The following RPS6KC1 variants were observed in gnomAD, a reference collection of about 807,000 sequenced individuals.
The protein encoded by RPS6KC1 is ribosomal protein S6 kinase C1.
RPS6KC1 carries 54 observed loss-of-function variants against 103.8 expected under a neutral mutation model. The ratio of observed to expected loss-of-function variants is 0.52; its 90% CI spans 0.42 to 0.65. The LOEUF (loss-of-function observed/expected upper bound fraction) is 0.65, where lower values mean the gene tolerates loss of function less well. Ranked by LOEUF, RPS6KC1 falls within the 30% of genes least tolerant of loss-of-function variation. The probability of loss-of-function intolerance (pLI) is 0.00; values close to 1 mark genes in which losing one functional copy is unlikely to be tolerated. For synonymous variants in RPS6KC1, 439 were observed against 438.7 expected (o/e 1.00, Z -0.01); for missense variants, 1,151 against 1,253.8 (o/e 0.92, Z 1.24).
intron 1 of RPS6KC1, among the ~76,000 whole-genome samples, chr1:213,053,764 C>T (rs2077123418): frequency 6.6e-6 from 1 of 151,872 alleles, no homozygotes; most frequent in African/African-American, 2.4e-5. Context: ...GTGTGTGGAA[C>T]TGGAATTGGA....
intron 8 of RPS6KC1, among the ~76,000 whole-genome samples, chr1:213,207,406 C>CGAA (rs2093380225): frequency 6.6e-6 from 1 of 152,132 alleles, no homozygotes; most frequent in Non-Finnish European, 1.5e-5. Flanking sequence ...GAAACTTTTT[C>CGAA]AACAGGCTAC....
At chr1:213,803,640 T>A in the RPS6KC1 span, among the ~76,000 whole-genome samples, 2,952 of 152,044 alleles carry the variant, frequency 0.019, 92 homozygotes, top group African/African-American at 0.063. Flanking sequence ...GGGTCAGGGG[T>A]GGCGAGGTTG....
intron 6 of RPS6KC1, among the ~76,000 whole-genome samples, chr1:213,133,128 A>G (rs917140858): frequency 8.5e-5 from 13 of 152,100 alleles, no homozygotes; most frequent in Admixed American, 1.3e-4. Flanking sequence ...AGGACTGTCT[A>G]CTCTTCTAAA....
the RPS6KC1 span, among the ~76,000 whole-genome samples, chr1:213,812,165 G>A: frequency 1.3e-5 from 2 of 152,186 alleles, no homozygotes; most frequent in African/African-American, 2.4e-5. Context: ...GGAAAGAAAA[G>A]AGGGAGAGAG....
At chr1:213,503,682 A>G in the RPS6KC1 span, among the ~76,000 whole-genome samples, 2 of 152,350 alleles carry the variant, frequency 1.3e-5, no homozygotes, top group East Asian at 3.9e-4. Flanking sequence ...TCTGCTTGCT[A>G]AAACTAAAAC....
chr1:213,097,601 C>T (rs1026552955), intron 3 of RPS6KC1, among the ~76,000 whole-genome samples: 6 of 152,184 alleles, frequency 3.9e-5, no homozygotes, highest in Non-Finnish European at 7.3e-5. Flanking sequence ...GCCTGTGCTT[C>T]GAAGTGTGGA....
chr1:213,289,601 A>G, the RPS6KC1 span, among the ~76,000 whole-genome samples: 2 of 152,242 alleles, frequency 1.3e-5, no homozygotes, highest in Admixed American at 6.5e-5. Flanking sequence ...TAATAAGGCA[A>G]GATAATGGGT....
At chr1:213,523,412 G>T in the RPS6KC1 span, among the ~76,000 whole-genome samples, 1 of 152,134 alleles carries the variant, frequency 6.6e-6, no homozygotes, top group Non-Finnish European at 1.5e-5. Flanking sequence ...TGAGAAAATG[G>T]CACCAATAGA....
At chr1:213,098,874 A>C (rs1360309123) in intron 3 of RPS6KC1, among the ~76,000 whole-genome samples, 3 of 152,254 alleles carry the variant, frequency 2.0e-5, no homozygotes, top group African/African-American at 7.2e-5. Flanking sequence ...TGTGAAGAGC[A>C]GTAAATTGAA....
At chr1:213,479,571 A>G in the RPS6KC1 span, among the ~76,000 whole-genome samples, 2 of 151,990 alleles carry the variant, frequency 1.3e-5, no homozygotes, top group African/African-American at 4.8e-5. Context: ...TTATTGATTT[A>G]TAGGAGTTAT....
the RPS6KC1 span, among the ~76,000 whole-genome samples, chr1:213,308,359 G>A: frequency 2.7e-3 from 399 of 150,056 alleles, 2 homozygotes; most frequent in African/African-American, 8.3e-3. Context: ...AAATGAATCT[G>A]TTTCTAAAGA....
chr1:213,497,066 C>G, the RPS6KC1 span, among the ~76,000 whole-genome samples: 5 of 152,098 alleles, frequency 3.3e-5, no homozygotes, highest in African/African-American at 9.7e-5. Flanking sequence ...GTATTGAAAT[C>G]TATCAAGTTG....
At chr1:213,326,223 A>G in the RPS6KC1 span, among the ~76,000 whole-genome samples, 1 of 152,218 alleles carries the variant, frequency 6.6e-6, no homozygotes, top group Non-Finnish European at 1.5e-5. Context: ...GAAAAAAGAA[A>G]AAAAAGACAG....
chr1:213,272,472 C>A, intron 14 of RPS6KC1, 52 bp from the exon 15 acceptor site: 1 of 1,398,416 alleles, frequency 7.2e-7, no homozygotes, highest in South Asian at 1.2e-5. Flanking sequence ...ATTGGTTTTC[C>A]TTTGATTTGC....
the RPS6KC1 span, chr1:213,822,404 A>C: frequency 5.3e-5 from 8 of 151,536 alleles, no homozygotes; most frequent in Admixed American, 1.3e-4. Context: ...GTTGATACAT[A>C]AGAAACATCT....
At chr1:213,708,005 G>A in the RPS6KC1 span, among the ~76,000 whole-genome samples, 2 of 152,262 alleles carry the variant, frequency 1.3e-5, no homozygotes, top group African/African-American at 4.8e-5. Context: ...TTTTTGCTTA[G>A]CATTGCCTTG....
chr1:213,425,370 T>A, the RPS6KC1 span, among the ~76,000 whole-genome samples: 1 of 152,198 alleles, frequency 6.6e-6, no homozygotes. Context: ...TTGCATTTTC[T>A]ATGCTTTTAG....
At chr1:213,330,031 G>A in the RPS6KC1 span, among the ~76,000 whole-genome samples, 1 of 152,234 alleles carries the variant, frequency 6.6e-6, no homozygotes, top group Admixed American at 6.5e-5. Flanking sequence ...CTGGTGGAGG[G>A]CCTCCCGCAG....
At chr1:213,645,852 C>T in the RPS6KC1 span, among the ~76,000 whole-genome samples, 21 of 152,192 alleles carry the variant, frequency 1.4e-4, no homozygotes, top group African/African-American at 4.6e-4. Flanking sequence ...TGACCCGCTG[C>T]TCCAGCTTCT....
Sources: allele counts gnomAD v4.1 joint callset (sites outside exome capture counted in the v4.1 genomes callset), GRCh38; gene constraint gnomAD v4.1.1; transcripts MANE v1.5; gene names NCBI Gene and HGNC (gene_info 2026-07-23, HGNC 2026-07-21).